Variants in GABRB3 observed in about 807,000 individuals in gnomAD.
The protein encoded by GABRB3 is gamma-aminobutyric acid type A receptor subunit beta3.
GABRB3 carries 14 observed loss-of-function variants against 52.1 expected under a neutral mutation model. The observed-to-expected ratio is 0.27, with a 90% CI of 0.18 to 0.42. The LOEUF (loss-of-function observed/expected upper bound fraction) is 0.42, where lower values mean the gene tolerates loss of function less well. GABRB3 is among the 10% of genes least tolerant of loss of function. The pLI is 1.00. For synonymous variants in GABRB3, 260 were observed against 232.3 expected (o/e 1.12, Z -1.08); for missense variants, 307 against 609.1 (o/e 0.50, Z 5.22).
At chr15:26,705,041 T>C (rs574262927) in intron 3 of GABRB3, among the ~76,000 whole-genome samples, 8 of 152,294 alleles carry the variant, frequency 5.3e-5, no homozygotes, top group Admixed American at 1.3e-4. Flanking sequence ...ATAGCAACAC[T>C]CTCCTCCTCT....
chr15:26,555,116 A>T lies in GABRB3; in HGVS notation c.1080+5816T>A, dbSNP rs775934836. On this transcript the variant is annotated intron_variant, in intron 8 of 8. Coordinates refer to ENST00000311550, the MANE Select transcript of GABRB3 (RefSeq NM_000814.6). ...GGAGAATCGCTTAAACCCAGGAGGC[A>T]GAGGTTGCAGTGAGCTGAGATCGCG... 9.2e-4 allele frequency among the ~76,000 whole-genome samples: 140 copies of T among 152,252 alleles called. 1 individual carries two copies. The highest frequency in any genetic ancestry group is 3.3e-3 in the South Asian group (16 of 4,826).
In GABRB3 at chr15:26,690,422, T is replaced by C. The variant is rs973769449; in HGVS notation, c.241-68888A>G. 5.5e-4 allele frequency among the ~76,000 whole-genome samples: 84 copies of C among 152,130 alleles called. 1 individual carries two copies. The highest frequency in any genetic ancestry group is 1.8e-3 in the African/African-American group (76 of 41,504). On this transcript the variant is annotated intron_variant, in intron 3 of 8. Coordinates refer to ENST00000311550, the MANE Select transcript of GABRB3 (RefSeq NM_000814.6). Reference sequence around the variant, plus strand: ...GCAGTTACAAAGACTTGGGGACAAATACATTGGAGGCACTAATGGTTTCAT... The same window carrying C: ...GCAGTTACAAAGACTTGGGGACAAACACATTGGAGGCACTAATGGTTTCAT...
At chr15:26,756,651 AT>A (rs1890670674) in intron 3 of GABRB3, among the ~76,000 whole-genome samples, 2 of 152,328 alleles carry the variant, frequency 1.3e-5, no homozygotes, top group East Asian at 1.9e-4. Flanking sequence ...TGTTAAAAAA[AT>A]ATAAAAATGT....
intron 3 of GABRB3, among the ~76,000 whole-genome samples, chr15:26,767,592 T>C (rs913852004): frequency 3.3e-5 from 5 of 152,290 alleles, no homozygotes; most frequent in African/African-American, 1.2e-4. Context: ...ACAGAACCCA[T>C]AGCTCCCAAT....
At chr15:26,760,546 AAT>A (rs947057719) in intron 3 of GABRB3, among the ~76,000 whole-genome samples, 56 of 152,312 alleles carry the variant, frequency 3.7e-4, no homozygotes, top group African/African-American at 1.3e-3. Context: ...AGTTTATGAT[AAT>A]AGAGTAAAAT....
chr15:26,634,885 G>GA lies in GABRB3; in HGVS notation c.241-13352dup, dbSNP rs935105855. On this transcript the variant is annotated intron_variant, in intron 3 of 8. Transcript: ENST00000311550. ...ATATATACACACATATTTATAGAGA[G>GA]AAAAAACTTTAAAAATTATATATAT... Among the ~76,000 whole-genome samples the GA allele has an allele frequency of 2.2e-5, 3 of 135,400 alleles. No individual in the cohort carries two copies. In the East Asian group the frequency reaches 6.1e-4, roughly 28 times the overall value. The allele number at this position is 135,400 out of a possible 152,430, so 88.8% of individuals were successfully genotyped here. A position where few individuals can be genotyped will look rare whatever the true frequency, so the allele number is the denominator to read the frequency against.
At chr15:26,554,041 T>TTATATATATATATTTA (rs1555400774) in intron 8 of GABRB3, among the ~76,000 whole-genome samples, 1 of 62,106 alleles carries the variant, frequency 1.6e-5, no homozygotes, top group African/African-American at 6.2e-5. Context: ...ATATATTTAT[T>TTATATATATATATTTA]TATTTATATT....
intron 8 of GABRB3, among the ~76,000 whole-genome samples, chr15:26,554,425 G>A (rs1336178013): frequency 6.6e-6 from 1 of 151,604 alleles, no homozygotes; most frequent in Non-Finnish European, 1.5e-5. Context: ...AATTCGTGGA[G>A]TGAAATACCA....
chr15:26,617,892 T>G (rs1892321671), intron 4 of GABRB3, among the ~76,000 whole-genome samples: 1 of 151,310 alleles, frequency 6.6e-6, no homozygotes, highest in African/African-American at 2.4e-5. Flanking sequence ...GAGAGCCAAA[T>G]CATGAGTGAA....
At chr15:26,647,632 C>G (rs1474154740) in intron 3 of GABRB3, among the ~76,000 whole-genome samples, 1 of 152,118 alleles carries the variant, frequency 6.6e-6, no homozygotes, top group African/African-American at 2.4e-5. Context: ...TTCTACAGAA[C>G]AGGGTACAAT....
chr15:26,565,296 G>C (rs1890125653), intron 7 of GABRB3, among the ~76,000 whole-genome samples: 1 of 152,158 alleles, frequency 6.6e-6, no homozygotes, highest in African/African-American at 2.4e-5. Flanking sequence ...TGGCAGGAGG[G>C]ACAGAGGGAA....
At chr15:26,591,552 A>C in intron 4 of GABRB3, among the ~76,000 whole-genome samples, 1 of 152,212 alleles carries the variant, frequency 6.6e-6, no homozygotes, top group Admixed American at 6.5e-5. Context: ...AACTGGCAAT[A>C]GTGCTCAAGC....
At position 26,580,289 on chromosome 15, in the gene GABRB3, GAAGGGACTAT is replaced by G; in HGVS notation, c.682+20_682+29del. On this transcript the variant is annotated intron_variant, in intron 6 of 8. Coordinates refer to ENST00000311550, the MANE Select transcript of GABRB3 (RefSeq NM_000814.6). ...TCACGCCCATGGAGCCAGTGCCCCT[GAAGGGACTAT>G]AAGTGGATGCAGGACTCACCTGTGG... The G allele has an allele frequency of 6.2e-7, 1 of 1,613,948 alleles. No homozygotes were observed.
At chr15:26,605,189 A>G (rs1467967456) in intron 4 of GABRB3, among the ~76,000 whole-genome samples, 2 of 152,336 alleles carry the variant, frequency 1.3e-5, no homozygotes, top group East Asian at 3.9e-4. Flanking sequence ...CATCAGAGAA[A>G]TGCAAATCAA....
At chr15:26,674,810 T>C (rs1888018174) in intron 3 of GABRB3, among the ~76,000 whole-genome samples, 1 of 152,142 alleles carries the variant, frequency 6.6e-6, no homozygotes, top group Non-Finnish European at 1.5e-5. Context: ...CAGAAATCCT[T>C]TTTTCCAACA....
At chr15:26,748,257 C>A (rs1004883112) in intron 3 of GABRB3, among the ~76,000 whole-genome samples, 1 of 152,090 alleles carries the variant, frequency 6.6e-6, no homozygotes, top group Non-Finnish European at 1.5e-5. Flanking sequence ...GTTCCCTCCT[C>A]TTCTATTTTC....
At chr15:26,768,535 GATCTCTTC>G (rs1365133055) in intron 3 of GABRB3, among the ~76,000 whole-genome samples, 1 of 151,848 alleles carries the variant, frequency 6.6e-6, no homozygotes, top group Non-Finnish European at 1.5e-5. Context: ...CCCATGTGTT[GATCTCTTC>G]ATCTATCTAC....
intron 5 of GABRB3, chr15:26,580,818 AG>A: frequency 2.7e-6 from 1 of 370,966 alleles, no homozygotes; most frequent in Non-Finnish European, 5.2e-6. Context: ...TGAGAATTGA[AG>A]TATGAAGAAT....
At chr15:26,628,540 C>T (rs1479511561) in intron 3 of GABRB3, among the ~76,000 whole-genome samples, 1 of 152,198 alleles carries the variant, frequency 6.6e-6, no homozygotes, top group Non-Finnish European at 1.5e-5. Flanking sequence ...AAACAACCAT[C>T]TGATCTAAAC....
Sources: allele counts gnomAD v4.1 joint callset (sites outside exome capture counted in the v4.1 genomes callset), GRCh38; gene constraint gnomAD v4.1.1; transcripts MANE v1.5; gene names NCBI Gene and HGNC (gene_info 2026-07-23, HGNC 2026-07-21).